SHQ1: variants seen among roughly 807,000 people sequenced by gnomAD.
The protein encoded by SHQ1 is SHQ1, H/ACA ribonucleoprotein assembly factor, also known as protein SHQ1 homolog.
A neutral mutation model predicts 53.8 loss-of-function variants in SHQ1; 49 were observed. That is an observed-to-expected ratio of 0.91 (90% confidence interval 0.72 to 1.16). SHQ1 has a LOEUF of 1.16. Among genes scored for constraint, SHQ1 ranks in the 50% most tolerant of loss-of-function variants. The pLI is 0.00. For synonymous variants in SHQ1, 243 were observed against 251.0 expected (o/e 0.97, Z 0.30); for missense variants, 738 against 683.1 (o/e 1.08, Z -0.90).
chr3:72,746,978 G>A (rs1705269949), downstream of SHQ1, among the ~76,000 whole-genome samples: 1 of 152,166 alleles, frequency 6.6e-6, no homozygotes, highest in African/African-American at 2.4e-5. Context: ...TTCCAACAAA[G>A]CAGTTATAGT....
At chr3:72,838,449 A>G (rs1708063124) in intron 4 of SHQ1, among the ~76,000 whole-genome samples, 1 of 152,224 alleles carries the variant, frequency 6.6e-6, no homozygotes, top group East Asian at 1.9e-4. Context: ...TTAGATGATT[A>G]AGCCATTTTA....
chr3:72,796,348 G>A (rs1370574772), intron 9 of SHQ1, among the ~76,000 whole-genome samples: 2 of 151,982 alleles, frequency 1.3e-5, no homozygotes, highest in African/African-American at 4.8e-5. Flanking sequence ...AATGTAAAAA[G>A]GTATGGAGTT....
At chr3:72,804,637 T>C (rs1259431562) in intron 9 of SHQ1, among the ~76,000 whole-genome samples, 1 of 152,244 alleles carries the variant, frequency 6.6e-6, no homozygotes, top group African/African-American at 2.4e-5. Context: ...ATTTGATTCA[T>C]GTCTGCTGAA....
rs1466854649 is a variant in SHQ1 at position 72,773,494 on chromosome 3, A to AAAAAAAAAAG, written c.1181+19421_1181+19422insCTTTTTTTTT. 2,045 of 263,466 alleles carry AAAAAAAAAAG rather than the reference A, an allele frequency of 7.8e-3. 39 individuals carry two copies. The highest frequency in any genetic ancestry group is 0.045 in the African/African-American group (1,887 of 42,088). 16.3% of individuals were successfully genotyped at this position (263,466 alleles called of 1,614,324 possible). A position where few individuals can be genotyped will look rare whatever the true frequency, so the allele number is the denominator to read the frequency against. Reference sequence around the variant, plus strand: ...TCATAAAGACAGCTTAAAAAAAAAAAAAAGAAAAAAAAGAACTTCCACGAA... The same window carrying AAAAAAAAAAG: ...TCATAAAGACAGCTTAAAAAAAAAAAAAAAAAAAAGAAAGAAAAAAAAGAACTTCCACGAA... On this transcript the variant is annotated intron_variant, in intron 10 of 10. Coordinates refer to ENST00000325599, the MANE Select transcript of SHQ1 (RefSeq NM_018130.3).
In SHQ1 at chr3:72,783,642, T is replaced by C. The variant is rs567950935; in HGVS notation, c.1181+9274A>G. On this transcript the variant is annotated intron_variant, in intron 10 of 10. Transcript: ENST00000325599. Reference sequence around the variant, plus strand: ...AGCTTTCTCTATTTTTATCAATGTATCATAATCATGATGTCCATGGTACAT... The same window carrying C: ...AGCTTTCTCTATTTTTATCAATGTACCATAATCATGATGTCCATGGTACAT... Among the ~76,000 whole-genome samples, 22 of 152,320 alleles carry C rather than the reference T, an allele frequency of 1.4e-4. No individual in the cohort carries two copies. In the South Asian group the frequency reaches 4.3e-3, roughly 30 times the overall value.
intron 6 of SHQ1, 52 bp downstream of exon 6, chr3:72,824,372 T>C (rs1027788028): frequency 2.2e-5 from 35 of 1,600,114 alleles, no homozygotes; most frequent in Non-Finnish European, 2.9e-5. Context: ...GTAAACGTGG[T>C]ACACCATGAG....
intron 10 of SHQ1, among the ~76,000 whole-genome samples, chr3:72,791,301 G>A (rs114073860): frequency 2.3e-3 from 348 of 152,286 alleles, no homozygotes; most frequent in African/African-American, 8.1e-3. Flanking sequence ...ATTAGCAGGA[G>A]GATCAAATGA....
chr3:72,772,795 G>A (rs1286442551), intron 10 of SHQ1: 2 of 763,924 alleles, frequency 2.6e-6, no homozygotes, highest in African/African-American at 1.7e-5. Flanking sequence ...TCTTGATGGA[G>A]TGCCTTTGGA....
chr3:72,845,040 G>C (rs190738420), intron 1 of SHQ1, among the ~76,000 whole-genome samples: 81 of 152,178 alleles, frequency 5.3e-4, no homozygotes, highest in Middle Eastern at 3.4e-3. Flanking sequence ...AATCTGTACA[G>C]ATAAGGGATA....
Position 72,848,407 on chromosome 3 carries a change from T to C in SHQ1, c.-67A>G. 6.3e-7 allele frequency: 1 copy of C among 1,585,690 alleles called. No individual in the cohort carries two copies. Among genetic ancestry groups the C allele is most frequent in the Non-Finnish European group, 8.6e-7 (1 of 1,166,196 alleles). On this transcript the variant is annotated 5_prime_UTR_variant, in exon 1 of 11. Transcript: ENST00000325599. ...GCCGCCGCGTTCCCGCCACGCAAAC[T>C]CTCCAACTCCCCACGCGCAGGAACT...
At chr3:72,788,730 C>T (rs1355823935) in intron 10 of SHQ1, among the ~76,000 whole-genome samples, 1 of 152,188 alleles carries the variant, frequency 6.6e-6, no homozygotes, top group East Asian at 1.9e-4. Context: ...TTGTTCTGTA[C>T]TAAGAAAAAT....
At chr3:72,746,261 C>A (rs1705258429), downstream of SHQ1, among the ~76,000 whole-genome samples, 1 of 152,206 alleles carries the variant, frequency 6.6e-6, no homozygotes, top group African/African-American at 2.4e-5. Flanking sequence ...TGGTTTTTCC[C>A]ACTGAGCTGC....
At chr3:72,835,578 G>A (rs1292471478) in intron 4 of SHQ1, among the ~76,000 whole-genome samples, 3 of 152,142 alleles carry the variant, frequency 2.0e-5, no homozygotes, top group African/African-American at 7.2e-5. Context: ...GAGGGTAAAT[G>A]GACCGACATA....
At chr3:72,833,495 TAGATAGAC>T (rs1242178685) in intron 4 of SHQ1, among the ~76,000 whole-genome samples, 3,848 of 52,818 alleles carry the variant, frequency 0.073, 60 homozygotes, top group Non-Finnish European at 0.089. Flanking sequence ...GATAGATAGA[TAGATAGAC>T]AGACAGACAG....
the SHQ1 span, among the ~76,000 whole-genome samples, chr3:72,739,939 C>A: frequency 1.3e-5 from 2 of 152,182 alleles, no homozygotes; most frequent in Admixed American, 1.3e-4. Flanking sequence ...CTGCTGGGAA[C>A]AGGCCAGGAA....
At chr3:72,764,256 G>A (rs1257059430) in intron 10 of SHQ1, among the ~76,000 whole-genome samples, 1 of 152,052 alleles carries the variant, frequency 6.6e-6, no homozygotes, top group Non-Finnish European at 1.5e-5. Context: ...AATCACAGCT[G>A]ATGGCAGCCT....
intron 9 of SHQ1, among the ~76,000 whole-genome samples, chr3:72,811,765 T>C (rs1280939979): frequency 6.6e-6 from 1 of 152,228 alleles, no homozygotes; most frequent in African/African-American, 2.4e-5. Flanking sequence ...GATTCTCTTC[T>C]TTAGGCCAGT....
intron 10 of SHQ1, among the ~76,000 whole-genome samples, chr3:72,789,292 A>G: frequency 6.6e-6 from 1 of 152,142 alleles, no homozygotes; most frequent in Non-Finnish European, 1.5e-5. Flanking sequence ...GGTGCCAACT[A>G]TTTGAATGCA....
chr3:72,795,887 G>T (rs894568644), intron 9 of SHQ1, among the ~76,000 whole-genome samples: 1 of 151,918 alleles, frequency 6.6e-6, no homozygotes, highest in Non-Finnish European at 1.5e-5. Context: ...GGCGGATTAC[G>T]AGGTCAGAAG....
Sources: gnomAD v4.1 joint callset for allele counts (sites outside exome capture counted in the v4.1 genomes callset) on GRCh38, gnomAD v4.1.1 for gene constraint, MANE v1.5 for transcripts, NCBI Gene and HGNC (gene_info 2026-07-23, HGNC 2026-07-21) for gene names.